DPYD: variants seen among roughly 807,000 people sequenced by gnomAD.
DPYD encodes dihydropyrimidine dehydrogenase [NADP(+)].
Under a neutral mutation model 116.2 loss-of-function variants are expected in DPYD, and 109 were observed. That is an observed-to-expected ratio of 0.94 (90% confidence interval 0.80 to 1.10). The LOEUF is 1.10. Among genes scored for constraint, DPYD ranks in the 50% least tolerant of loss-of-function variants. The pLI, the probability that DPYD is intolerant of heterozygous loss-of-function variation, is 0.00. For synonymous variants in DPYD, 440 were observed against 432.0 expected, an observed-to-expected ratio of 1.02 and a Z score of -0.23; for missense variants, 1,302 against 1,254.5, an observed-to-expected ratio of 1.04 and a Z score of -0.57.
chr1:97,461,365 T>C (rs1164392508), intron 13 of DPYD, among the ~76,000 whole-genome samples: 1 of 152,152 alleles, frequency 6.6e-6, no homozygotes, highest in Non-Finnish European at 1.5e-5. Context: ...TTCTAGAGAT[T>C]CCAATCATAA....
At chr1:97,193,870 T>C (rs1422023679) in intron 19 of DPYD, among the ~76,000 whole-genome samples, 1 of 152,192 alleles carries the variant, frequency 6.6e-6, no homozygotes, top group African/African-American at 2.4e-5. Flanking sequence ...GGCCTTTCTT[T>C]TCCACACATG....
chr1:97,838,608 G>A (rs1426000629), intron 2 of DPYD, among the ~76,000 whole-genome samples: 1 of 151,706 alleles, frequency 6.6e-6, no homozygotes, highest in East Asian at 1.9e-4. Flanking sequence ...CACTTTGGGA[G>A]GCCGAGGCGG....
chr1:97,184,691 A>T (rs981580642), intron 20 of DPYD, among the ~76,000 whole-genome samples: 2 of 152,082 alleles, frequency 1.3e-5, no homozygotes, highest in African/African-American at 2.4e-5. Context: ...CATTGTTCCA[A>T]TTGTTCATGT....
chr1:97,917,252 T>C (rs766160002), intron 1 of DPYD, among the ~76,000 whole-genome samples: 12 of 152,210 alleles, frequency 7.9e-5, no homozygotes, highest in Non-Finnish European at 1.8e-4. Flanking sequence ...TGGCTTTGTA[T>C]AAAGTGGAAT....
rs1261178415 is a variant in DPYD, at chr1:97,777,683, T to C, written c.234-37204A>G. 2.0e-5 allele frequency among the ~76,000 whole-genome samples: 3 copies of C among 152,258 alleles called. No individual in the cohort carries two copies. In the East Asian group the frequency reaches 5.8e-4, roughly 29 times the overall value. ...GTCCTAGTAACCTCCTCCATGCACA[T>C]AATATTGGTAGGAAATTTAAAAATG... On this transcript the variant is annotated intron_variant, in intron 3 of 22. Coordinates refer to ENST00000370192, the MANE Select transcript of DPYD (RefSeq NM_000110.4).
chr1:97,340,569 G>A (rs530960852), intron 16 of DPYD, among the ~76,000 whole-genome samples: 9 of 152,176 alleles, frequency 5.9e-5, no homozygotes, highest in South Asian at 2.1e-4. Flanking sequence ...AGCTACTTTC[G>A]GGAGGCTGAG....
At chr1:97,807,073 T>C (rs1458782515) in intron 3 of DPYD, among the ~76,000 whole-genome samples, 1 of 152,072 alleles carries the variant, frequency 6.6e-6, no homozygotes, top group Non-Finnish European at 1.5e-5. Flanking sequence ...CTAAAGAACA[T>C]ATTGGTTAGT....
At chr1:97,234,078 G>C (rs1570726896) in intron 19 of DPYD, among the ~76,000 whole-genome samples, 1 of 152,104 alleles carries the variant, frequency 6.6e-6, no homozygotes, top group Non-Finnish European at 1.5e-5. Context: ...TAAGTAGTGA[G>C]AAGTCATTAT....
At chr1:97,735,635 CAG>C (rs1471420766) in intron 4 of DPYD, among the ~76,000 whole-genome samples, 1 of 150,666 alleles carries the variant, frequency 6.6e-6, no homozygotes, top group African/African-American at 2.4e-5. Flanking sequence ...TTGCAGTGCG[CAG>C]AGATTGCGCC....
intron 2 of DPYD, among the ~76,000 whole-genome samples, chr1:97,846,951 G>A (rs1249534795): frequency 1.3e-5 from 2 of 152,146 alleles, no homozygotes; most frequent in Non-Finnish European, 2.9e-5. Context: ...TTTCAGTTGT[G>A]AAATTCAAAA....
chr1:97,876,341 C>T (rs968808012), intron 2 of DPYD, among the ~76,000 whole-genome samples: 1 of 151,926 alleles, frequency 6.6e-6, no homozygotes, highest in Non-Finnish European at 1.5e-5. Flanking sequence ...ACCTCCAGGA[C>T]AGTGGAAGCC....
In DPYD at chr1:97,865,201, GA is replaced by G. The variant is rs371315314; in HGVS notation, c.150+18062del. Among the ~76,000 whole-genome samples, 51 of 151,850 alleles carry G rather than the reference GA, an allele frequency of 3.4e-4. 1 individual carries two copies. The East Asian group carries it at 4.3e-3, about 13-fold the overall frequency. On this transcript the variant is annotated intron_variant, in intron 2 of 22. Transcript: ENST00000370192. ...TAAAGACTTGTCTGCCTATTATTTGGATTTTATAGGAAATTTAAAATAAACA... is the reference window on the plus strand; with the variant it reads ...TAAAGACTTGTCTGCCTATTATTTGGTTTTATAGGAAATTTAAAATAAACA...
chr1:97,432,136 T>C (rs1285642248), intron 14 of DPYD, among the ~76,000 whole-genome samples: 1 of 152,198 alleles, frequency 6.6e-6, no homozygotes, highest in Non-Finnish European at 1.5e-5. Flanking sequence ...TGAATCCATA[T>C]ATTGGCTATT....
intron 8 of DPYD, among the ~76,000 whole-genome samples, chr1:97,668,473 T>A (rs1659682725): frequency 6.6e-6 from 1 of 152,156 alleles, no homozygotes; most frequent in South Asian, 2.1e-4. Context: ...ATTATATTTA[T>A]ATGCACAAAG....
chr1:97,293,757 C>T (rs1666353308), intron 18 of DPYD, among the ~76,000 whole-genome samples: 1 of 152,108 alleles, frequency 6.6e-6, no homozygotes, highest in South Asian at 2.1e-4. Flanking sequence ...GACTGGCCAA[C>T]ATGGCAAAAC....
At chr1:97,441,999 AAC>A (rs1675823914) in intron 14 of DPYD, among the ~76,000 whole-genome samples, 1 of 152,136 alleles carries the variant, frequency 6.6e-6, no homozygotes, top group Non-Finnish European at 1.5e-5. Flanking sequence ...GGCTGGCAAG[AAC>A]AGTCACTATT....
At chr1:97,081,900 A>C (rs1006386346) in intron 22 of DPYD, among the ~76,000 whole-genome samples, 1 of 151,926 alleles carries the variant, frequency 6.6e-6, no homozygotes, top group Non-Finnish European at 1.5e-5. Flanking sequence ...ACTGTAGTAA[A>C]AGCCTAATCA....
At chr1:97,140,883 G>A (rs980467080) in intron 20 of DPYD, among the ~76,000 whole-genome samples, 2 of 152,120 alleles carry the variant, frequency 1.3e-5, no homozygotes, top group Non-Finnish European at 2.9e-5. Flanking sequence ...AGATGTTTCT[G>A]GCTTGTTTTG....
intron 7 of DPYD, among the ~76,000 whole-genome samples, chr1:97,684,721 A>G (rs913574593): frequency 6.6e-6 from 1 of 152,170 alleles, no homozygotes; most frequent in African/African-American, 2.4e-5. Context: ...AAACATTTCT[A>G]TGCAAATAAA....
Sources: gnomAD v4.1 joint callset for allele counts (sites outside exome capture counted in the v4.1 genomes callset) on GRCh38, gnomAD v4.1.1 for gene constraint, MANE v1.5 for transcripts, NCBI Gene and HGNC (gene_info 2026-07-23, HGNC 2026-07-21) for gene names.